The following GRID2IP variants were observed in gnomAD, a reference collection of about 807,000 sequenced individuals.
The protein encoded by GRID2IP is delphilin.
Under a neutral mutation model 114.3 loss-of-function variants are expected in GRID2IP, and 78 were observed. That is an observed-to-expected ratio of 0.68 (90% CI 0.57 to 0.82). GRID2IP has a LOEUF of 0.82. Among genes scored for constraint, GRID2IP ranks in the 40% least tolerant of loss-of-function variants. The pLI is 0.00. For missense variants in GRID2IP, 1,727 were observed against 1,678.5 expected, an observed-to-expected ratio of 1.03 and a Z score of -0.51; for synonymous variants, 809 against 724.0, an observed-to-expected ratio of 1.12 and a Z score of -1.89.
rs755270042 is a variant in GRID2IP, at chr7:6,503,073, G to A, written c.2998C>T (p.Leu1000Phe). The A allele has an allele frequency of 1.3e-6, 2 of 1,551,572 alleles. No individual in the cohort carries two copies. Among genetic ancestry groups the A allele is most frequent in the South Asian group, 1.2e-5 (1 of 84,062 alleles). Residue 1000 changes from leucine (L) to phenylalanine (F), a missense_variant, in exon 17 of 22, where the codon CTT (leucine) becomes TTT (phenylalanine). By Grantham distance (22) the Leu-to-Phe change is conservative (BLOSUM62 0). Transcript: ENST00000457091. ...AGGGAGGCCTGGCGCAAGCATTCAA[G>A]GCTGCCTCGGATCTCCTCTGTCTTC... is the stretch of plus-strand genomic sequence containing the variant. ...QEKTEEIRGSLECLRQASLEL... is the reference protein window; with the variant it reads ...QEKTEEIRGSFECLRQASLEL...
At position 6,510,892 on chromosome 7, in the gene GRID2IP, C is replaced by G. The variant is rs894509356; in HGVS notation, c.1555+16G>C. The G allele has an allele frequency of 1.8e-5, 28 of 1,549,752 alleles. No homozygotes were observed. The highest frequency in any genetic ancestry group is 2.7e-5 in the African/African-American group (2 of 72,908). ...ACTGAGCTCCATTCATACCCTCCCC[C>G]TGACACCAGCCTTACCGCAGCTGAG... On this transcript the variant is annotated intron_variant, in intron 9 of 21. Coordinates refer to ENST00000457091, the MANE Select transcript of GRID2IP (RefSeq NM_001145118.2).
chr7:6,517,185 G>A (rs897929805), intron 7 of GRID2IP, among the ~76,000 whole-genome samples: 2 of 151,652 alleles, frequency 1.3e-5, no homozygotes, highest in Admixed American at 6.6e-5. Context: ...CTCCCGAGTA[G>A]CTGGGACTAC....
chr7:6,526,673 C>A lies in GRID2IP; in HGVS notation c.681G>T (p.Ala227=), dbSNP rs1779519457. The change falls in exon 3 of 22, where the codon GCG becomes GCT. Residue 227 remains alanine, a synonymous_variant. Coordinates refer to ENST00000457091, the MANE Select transcript of GRID2IP (RefSeq NM_001145118.2). This position sits in a 1 kb window ranked among gnomAD's most constrained non-coding sequence, Gnocchi z 7.6. ...CGCTGCGGCTCCGGCGCAGTCGCTG[C>A]GCGCCCTGGGCCCGGCGTGCGCGGC... ...KLCRARRAQG[A]QRLRRSRSEE... The A allele has an allele frequency of 2.7e-6, 4 of 1,467,982 alleles. No homozygotes were observed. The highest frequency in any genetic ancestry group is 3.0e-5 in the African/African-American group (2 of 67,228). 90.9% of individuals were successfully genotyped at this position (1,467,982 alleles called of 1,614,324 possible).
chr7:6,533,327 T>C (rs1360182647), intron 2 of GRID2IP, among the ~76,000 whole-genome samples: 1 of 151,848 alleles, frequency 6.6e-6, no homozygotes, highest in Admixed American at 6.6e-5. Context: ...CTGGTGCTTC[T>C]ATCTACACGT....
chr7:6,513,111 A>G (rs1016838228), intron 8 of GRID2IP, among the ~76,000 whole-genome samples: 6 of 152,204 alleles, frequency 3.9e-5, no homozygotes, highest in African/African-American at 1.2e-4. Context: ...ATGGCACTGC[A>G]GGCCTGTGTG....
intron 20 of GRID2IP, among the ~76,000 whole-genome samples, chr7:6,499,287 C>CT (rs60326522): frequency 0.084 from 12,733 of 152,138 alleles, 796 homozygotes; most frequent in East Asian, 0.31. Context: ...CATGACCCCT[C>CT]TTTTTCCTGA....
intron 8 of GRID2IP, among the ~76,000 whole-genome samples, chr7:6,511,434 G>A (rs1176536830): frequency 4.6e-5 from 7 of 151,930 alleles, no homozygotes; most frequent in Admixed American, 6.6e-5. Context: ...GTGCAGTGGT[G>A]CAATCTCAGC....
chr7:6,497,772 T>C lies in GRID2IP; in HGVS notation c.*2A>G. On this transcript the variant is annotated 3_prime_UTR_variant, in exon 22 of 22. Coordinates refer to ENST00000457091, the MANE Select transcript of GRID2IP (RefSeq NM_001145118.2). Reference sequence around the variant, plus strand: ...GCCGCAGAGGACGCGGTGTGGCCACTGTCACCAGGCCAGGGGTGAAACCAT... The same window carrying C: ...GCCGCAGAGGACGCGGTGTGGCCACCGTCACCAGGCCAGGGGTGAAACCAT... 4 of 1,548,892 alleles carry C rather than the reference T, an allele frequency of 2.6e-6. No homozygotes were observed. Among genetic ancestry groups the C allele is most frequent in the Non-Finnish European group, 3.5e-6 (4 of 1,145,864 alleles).
chr7:6,498,318 A>G, intron 20 of GRID2IP, 90 bp from the exon 21 acceptor site: 1 of 1,309,706 alleles, frequency 7.6e-7, no homozygotes, highest in South Asian at 1.5e-5. Flanking sequence ...TAGCAGCCCT[A>G]TTCCCGGTTG....
chr7:6,539,730 A>C lies in GRID2IP; in HGVS notation c.572T>G (p.Leu191Arg), dbSNP rs747169421. The change falls in exon 2 of 22, where the codon CTG (leucine) becomes CGG (arginine). Residue 191 changes from leucine to arginine, a missense_variant. Transcript: ENST00000457091. ...CTGCCCGCAGTACCTGAGGTTGTCC[A>C]GGAGTGGCCCGCAGGCCTCTCGGGG... is the stretch of plus-strand genomic sequence containing the variant. ...ALPREACGPL[L>R]DNLRIFIPKK... 105 of 1,548,896 alleles carry C rather than the reference A, an allele frequency of 6.8e-5. No homozygotes were observed. The highest frequency in any genetic ancestry group is 4.4e-4 in the Middle Eastern group (2 of 4,562).
intron 4 of GRID2IP, among the ~76,000 whole-genome samples, chr7:6,522,920 C>G (rs1015018833): frequency 2.0e-5 from 3 of 152,032 alleles, no homozygotes; most frequent in African/African-American, 7.2e-5. Context: ...CCGCCTTGGC[C>G]TCCCAAAATG....
chr7:6,531,392 C>T (rs539792144), intron 2 of GRID2IP, among the ~76,000 whole-genome samples: 10 of 152,236 alleles, frequency 6.6e-5, no homozygotes, highest in Non-Finnish European at 1.5e-4. Flanking sequence ...CTCCGTTATT[C>T]CCTTCCCAGG....
chr7:6,527,521 G>C (rs1779538150), intron 2 of GRID2IP, among the ~76,000 whole-genome samples: 1 of 152,190 alleles, frequency 6.6e-6, no homozygotes, highest in South Asian at 2.1e-4. Context: ...TAGTTACCTT[G>C]GAAGTGAGAG....
intron 14 of GRID2IP, 37 bp from the exon 15 acceptor site, chr7:6,504,907 G>A (rs1263537926): frequency 1.3e-6 from 2 of 1,535,004 alleles, no homozygotes; most frequent in Non-Finnish European, 1.8e-6. Flanking sequence ...AGGCGGCTAG[G>A]CTGAGGCTGC....
rs763896326 is a variant in GRID2IP, at chr7:6,536,844, T to A, written c.584+2874A>T. Reference sequence around the variant, plus strand: ...CCCCTTACTCACCCCAGGCAGCTCATGGTGGCCTCTTTCGGTGGTGGTCGC... The same window carrying A: ...CCCCTTACTCACCCCAGGCAGCTCAAGGTGGCCTCTTTCGGTGGTGGTCGC... On this transcript the variant is annotated intron_variant, in intron 2 of 21. Coordinates refer to ENST00000457091, the MANE Select transcript of GRID2IP (RefSeq NM_001145118.2). The surrounding 1 kb of genome is among the most constrained non-coding windows in gnomAD (Gnocchi z 5.3). The A allele has an allele frequency of 5.6e-5, 30 of 538,750 alleles. No individual in the cohort carries two copies. Among genetic ancestry groups the A allele is most frequent in the Non-Finnish European group, 2.1e-5 (6 of 286,424 alleles). 33.4% of individuals were successfully genotyped at this position (538,750 alleles called of 1,614,324 possible). A position where few individuals can be genotyped will look rare whatever the true frequency, so the allele number is the denominator to read the frequency against.
At chr7:6,540,710 T>TTA (rs1554277807) in intron 1 of GRID2IP, among the ~76,000 whole-genome samples, 1 of 148,510 alleles carries the variant, frequency 6.7e-6, no homozygotes, top group Non-Finnish European at 1.5e-5. Flanking sequence ...TTTTTTTTTT[T>TTA]AGTAGAGATG....
intron 4 of GRID2IP, among the ~76,000 whole-genome samples, 189 bp from the exon 5 acceptor site, chr7:6,522,146 TCGAGACCAG>T (rs1268007213): frequency 1.3e-5 from 2 of 151,908 alleles, no homozygotes; most frequent in Non-Finnish European, 2.9e-5. Flanking sequence ...GCCCAGGAGT[TCGAGACCAG>T]CTTGGGCAAC....
rs369593366 is a variant in GRID2IP, at chr7:6,526,209, C to G, written c.919+15G>C. On this transcript the variant is annotated intron_variant, in intron 4 of 21. Transcript: ENST00000457091. This position sits in a 1 kb window ranked among gnomAD's most constrained non-coding sequence, Gnocchi z 7.6. Reference sequence around the variant, plus strand: ...GGGCCTTAGGGACTCTTAGGGCAACCGGCCCACCCCTCACCAGGCAGGACA... The same window carrying G: ...GGGCCTTAGGGACTCTTAGGGCAACGGGCCCACCCCTCACCAGGCAGGACA... The G allele has an allele frequency of 6.5e-7, 1 of 1,549,800 alleles. No homozygotes were observed. Among genetic ancestry groups the G allele is most frequent in the African/African-American group, 1.4e-5 (1 of 73,112 alleles).
chr7:6,537,052 G>T (rs1779737374), intron 2 of GRID2IP, among the ~76,000 whole-genome samples: 1 of 152,070 alleles, frequency 6.6e-6, no homozygotes, highest in Non-Finnish European at 1.5e-5. Context: ...AGGGATGGAG[G>T]AGCAGTCGCA....
Sources: gnomAD v4.1 joint callset for allele counts (sites outside exome capture counted in the v4.1 genomes callset) on GRCh38, gnomAD v4.1.1 for gene constraint, Gnocchi (gnomAD v3.1) non-coding constraint, MANE v1.5 for transcripts, NCBI Gene and HGNC (gene_info 2026-07-23, HGNC 2026-07-21) for gene names.